The following GOLIM4 variants were observed in gnomAD, a reference collection of about 807,000 sequenced individuals.
The protein encoded by GOLIM4 is golgi integral membrane protein 4, also known as 130 kDa golgi-localized phosphoprotein.
GOLIM4 carries 71 observed loss-of-function variants against 107.4 expected under a neutral mutation model. The ratio of observed to expected loss-of-function variants is 0.66; its 90% CI spans 0.55 to 0.81. The LOEUF (loss-of-function observed/expected upper bound fraction) is 0.81. Ranked by LOEUF, GOLIM4 falls within the 30% of genes least tolerant of loss-of-function variation. The pLI is 0.00. For missense variants in GOLIM4, 830 were observed against 826.1 expected (o/e 1.00, Z -0.06); for synonymous variants, 327 against 294.8 (o/e 1.11, Z -1.12).
intron 1 of GOLIM4, among the ~76,000 whole-genome samples, chr3:168,066,036 T>A (rs2108272870): frequency 6.6e-6 from 1 of 152,234 alleles, no homozygotes. Flanking sequence ...TCTTAGAACA[T>A]AATAGTGATG....
intron 14 of GOLIM4, among the ~76,000 whole-genome samples, chr3:168,019,772 T>A (rs909532042): frequency 1.3e-5 from 2 of 152,166 alleles, no homozygotes; most frequent in African/African-American, 4.8e-5. Flanking sequence ...ACATATTTTT[T>A]AAATCACATC....
intron 1 of GOLIM4, among the ~76,000 whole-genome samples, chr3:168,089,277 T>C (rs1721779036): frequency 6.6e-6 from 1 of 152,218 alleles, no homozygotes. Flanking sequence ...GATGTCCATT[T>C]AATAGACAAT....
Position 168,027,757 on chromosome 3 carries a change from G to A in GOLIM4, c.1594C>T (p.Arg532Ter), listed in dbSNP as rs370455114. The A allele has an allele frequency of 7.4e-6, 12 of 1,611,578 alleles. No homozygotes were observed. The highest frequency in any genetic ancestry group is 1.3e-5 in the African/African-American group (1 of 74,808). Residue 532 changes from arginine (R) to a stop codon, truncating the protein, a stop_gained, in exon 12 of 16, where the codon CGA becomes TGA. Coordinates refer to ENST00000470487, the MANE Select transcript of GOLIM4 (RefSeq NM_014498.5). LOFTEE classifies it high-confidence loss of function. ...GCCTCAGATTCTGGGTCGGCTTCTC[G>A]GGGTCCTTGTTCACGAGGCTCATGT... Reference protein sequence around the residue: ...NRHEPREQGPREADPESEADR... With the variant: ...NRHEPREQGP
chr3:168,076,788 T>C (rs1721105525), intron 1 of GOLIM4, among the ~76,000 whole-genome samples: 1 of 152,224 alleles, frequency 6.6e-6, no homozygotes, highest in Non-Finnish European at 1.5e-5. Flanking sequence ...TAAGTAAAAA[T>C]GTTCTACTTG....
chr3:168,039,264 AT>A (rs11426013), intron 7 of GOLIM4, among the ~76,000 whole-genome samples: 2,186 of 137,052 alleles, frequency 0.016, 38 homozygotes, highest in East Asian at 0.046. Flanking sequence ...GAAAAAAAAA[AT>A]TTTTTTTTTT....
intron 1 of GOLIM4, among the ~76,000 whole-genome samples, chr3:168,093,348 A>T (rs1292023470): frequency 6.6e-6 from 1 of 152,230 alleles, no homozygotes; most frequent in Non-Finnish European, 1.5e-5. Flanking sequence ...GTTCAGAATA[A>T]TTTTTGTTTG....
At chr3:168,086,026 T>C (rs1234263248) in intron 1 of GOLIM4, among the ~76,000 whole-genome samples, 1 of 152,170 alleles carries the variant, frequency 6.6e-6, no homozygotes, top group Non-Finnish European at 1.5e-5. Context: ...GGCATCTAGA[T>C]TTTGAGGTGA....
chr3:168,054,244 G>T (rs914367613), intron 1 of GOLIM4, among the ~76,000 whole-genome samples: 9 of 152,116 alleles, frequency 5.9e-5, no homozygotes, highest in African/African-American at 1.9e-4. Flanking sequence ...CCCAGGCCTG[G>T]GGGGGCAAAA....
At chr3:168,023,623 T>C (rs1041773557) in intron 14 of GOLIM4, among the ~76,000 whole-genome samples, 5 of 152,176 alleles carry the variant, frequency 3.3e-5, no homozygotes, top group African/African-American at 9.7e-5. Context: ...GGGTTCCCCA[T>C]AGGGATAAAA....
chr3:168,086,219 T>G (rs1721614411), intron 1 of GOLIM4, among the ~76,000 whole-genome samples: 1 of 152,108 alleles, frequency 6.6e-6, no homozygotes, highest in African/African-American at 2.4e-5. Flanking sequence ...ATCATAGATT[T>G]CTAATATTAA....
intron 14 of GOLIM4, among the ~76,000 whole-genome samples, chr3:168,018,101 G>C (rs112898438): frequency 2.6e-5 from 4 of 152,120 alleles, no homozygotes; most frequent in African/African-American, 7.2e-5. Flanking sequence ...GCTGAACATC[G>C]GTTAAGTATA....
chr3:168,063,886 A>G (rs953602276), intron 1 of GOLIM4, among the ~76,000 whole-genome samples: 3 of 145,406 alleles, frequency 2.1e-5, no homozygotes, highest in Non-Finnish European at 2.9e-5. Flanking sequence ...AAGTTGAAGG[A>G]AAAAAAAAGA....
At chr3:168,018,774 C>A (rs4321571) in intron 14 of GOLIM4, among the ~76,000 whole-genome samples, 2 of 151,882 alleles carry the variant, frequency 1.3e-5, no homozygotes, top group Non-Finnish European at 2.9e-5. Context: ...TCTTTTACAG[C>A]CTTAATAATG....
intron 1 of GOLIM4, among the ~76,000 whole-genome samples, chr3:168,067,582 C>T (rs879333842): frequency 7.3e-5 from 11 of 149,862 alleles, no homozygotes; most frequent in Admixed American, 2.7e-4. Flanking sequence ...GATAGAACGG[C>T]GTATTTTATT....
In GOLIM4 at chr3:168,043,572, T is replaced by C. The variant is rs1175381161; in HGVS notation, c.367-43A>G. ...TGAGTAGAAATATACATTCTCTGAA[T>C]TATATGAGAGTCTATTTCTTGACAG... On this transcript the variant is annotated intron_variant, in intron 4 of 15. Transcript: ENST00000470487. 34 of 1,510,368 alleles carry C rather than the reference T, an allele frequency of 2.3e-5. No homozygotes were observed. The African/African-American group carries it at 3.7e-4, about 16-fold the overall frequency. 93.6% of individuals were successfully genotyped at this position (1,510,368 alleles called of 1,614,324 possible).
chr3:168,013,851 G>C (rs1225088360), intron 14 of GOLIM4, among the ~76,000 whole-genome samples: 2 of 151,200 alleles, frequency 1.3e-5, no homozygotes, highest in African/African-American at 4.9e-5. Flanking sequence ...CGAGAACAAA[G>C]ACACAACATA....
intron 11 of GOLIM4, 123 bp from the exon 12 acceptor site, chr3:168,027,960 A>G (rs1718100353): frequency 1.5e-6 from 1 of 680,234 alleles, no homozygotes. Context: ...CTGTTAACTC[A>G]ACATAAGGCC....
intron 14 of GOLIM4, among the ~76,000 whole-genome samples, chr3:168,022,669 G>C (rs1023432241): frequency 1.3e-5 from 2 of 152,138 alleles, no homozygotes; most frequent in Non-Finnish European, 2.9e-5. Context: ...GGGACACTCG[G>C]GGGCAGAGAG....
At chr3:168,033,638 A>AAAAAAAAAAC (rs1718471002) in intron 8 of GOLIM4, among the ~76,000 whole-genome samples, 1 of 143,942 alleles carries the variant, frequency 6.9e-6, no homozygotes, top group East Asian at 1.9e-4. Context: ...AAAAAAAAAA[A>AAAAAAAAAAC]AAAGAATGCC....
Sources: gnomAD v4.1 joint callset for allele counts (sites outside exome capture counted in the v4.1 genomes callset) on GRCh38, gnomAD v4.1.1 for gene constraint, MANE v1.5 for transcripts, NCBI Gene and HGNC (gene_info 2026-07-23, HGNC 2026-07-21) for gene names.